STOX2: variants seen among roughly 807,000 people sequenced by gnomAD.
STOX2 encodes the protein storkhead box 2.
A neutral mutation model predicts 60.9 loss-of-function variants in STOX2; 28 were observed. That is an observed-to-expected ratio of 0.46 (90% CI 0.34 to 0.63). The LOEUF is 0.63. Among genes scored for constraint, STOX2 ranks in the 30% least tolerant of loss-of-function variants. The probability of loss-of-function intolerance (pLI) is 0.01; values close to 1 mark genes in which losing one functional copy is unlikely to be tolerated. For missense variants in STOX2, 1,024 were observed against 1,187.7 expected (o/e 0.86, Z 2.03); for synonymous variants, 472 against 463.9 (o/e 1.02, Z -0.22).
In STOX2 at chr4:183,839,049, GCA is replaced by G. The variant is rs369296969; in HGVS notation, c.364+41015_364+41016del. ...CACACACACACACACAGGTACACAT[GCA>G]CACACACACACACACACACAGAGAG... On this transcript the variant is annotated intron_variant, in intron 1 of 2. Transcript: ENST00000513034. Among the ~76,000 whole-genome samples, 1,379 of 148,222 alleles carry G rather than the reference GCA, an allele frequency of 9.3e-3. 29 individuals carry two copies. Among genetic ancestry groups the G allele is most frequent in the African/African-American group, 0.031 (1,249 of 40,774 alleles).
At chr4:183,927,652 C>G (rs147391028) in intron 1 of STOX2, among the ~76,000 whole-genome samples, 1 of 152,088 alleles carries the variant, frequency 6.6e-6, no homozygotes, top group African/African-American at 2.4e-5. Flanking sequence ...TATTACTGAG[C>G]TGGAAGGACC....
chr4:183,951,133 T>A (rs1246902838), intron 1 of STOX2, among the ~76,000 whole-genome samples: 2 of 146,956 alleles, frequency 1.4e-5, no homozygotes, highest in South Asian at 2.1e-4. Context: ...GGAGAATGGG[T>A]GAACCCGGGA....
intron 1 of STOX2, among the ~76,000 whole-genome samples, chr4:183,966,705 G>T (rs1353229649): frequency 6.6e-6 from 1 of 152,210 alleles, no homozygotes; most frequent in Admixed American, 6.5e-5. Context: ...TAGCATGAGT[G>T]CTTAAATGGT....
At chr4:183,958,059 TAGAATGGTATTTA>T in intron 1 of STOX2, among the ~76,000 whole-genome samples, 1 of 151,798 alleles carries the variant, frequency 6.6e-6, no homozygotes, top group African/African-American at 2.4e-5. Context: ...GGGGGGATGG[TAGAATGGTATTTA>T]CAACCCAAGA....
intron 1 of STOX2, among the ~76,000 whole-genome samples, chr4:183,931,946 G>A (rs1228958205): frequency 6.6e-6 from 1 of 152,146 alleles, no homozygotes; most frequent in African/African-American, 2.4e-5. Context: ...ATTGGAGCGG[G>A]CAAGAAGGGA....
chr4:183,824,389 T>G (rs1739374643), intron 1 of STOX2, among the ~76,000 whole-genome samples: 1 of 152,210 alleles, frequency 6.6e-6, no homozygotes, highest in Admixed American at 6.5e-5. Context: ...GGGCCTTGGG[T>G]AATTTCGTTA....
At chr4:183,840,765 C>G (rs1313196196) in intron 1 of STOX2, among the ~76,000 whole-genome samples, 1 of 152,170 alleles carries the variant, frequency 6.6e-6, no homozygotes, top group East Asian at 1.9e-4. Context: ...GAGACTTGGT[C>G]TTAATCTTTT....
rs761546073 is a variant in STOX2 at position 184,010,994 on chromosome 4, C to T, written c.2156C>T (p.Ser719Leu). The change falls in exon 3 of 4, where the codon TCG (serine) becomes TTG (leucine). Residue 719 changes from serine to leucine, a missense_variant. By Grantham distance (145) the Ser-to-Leu change is moderately radical. This residue lies in a region of STOX2 where 922 missense variants were observed against 1,058.3 expected (regional missense o/e 0.87). Coordinates refer to ENST00000308497, the MANE Select transcript of STOX2 (RefSeq NM_020225.3). This position sits in a 1 kb window ranked among gnomAD's most constrained non-coding sequence, Gnocchi z 4.5. The stretch of plus-strand genomic sequence containing the variant: ...TTGTCTGTAAACAGCTATCACAAGT[C>T]GAGCCTGTCCCTCCTCAAATCTCAC... ...STLSVNSYHK[S>L]SLSLLKSHPK... 1.1e-5 allele frequency: 17 copies of T among 1,612,950 alleles called. No individual in the cohort carries two copies. The highest frequency in any genetic ancestry group is 5.3e-5 in the African/African-American group (4 of 74,930).
intron 1 of STOX2, among the ~76,000 whole-genome samples, chr4:183,944,544 T>C (rs1243964340): frequency 6.6e-6 from 1 of 152,170 alleles, no homozygotes; most frequent in East Asian, 1.9e-4. Context: ...TGAAACCCCA[T>C]CTTTACTAAA....
At chr4:183,843,739 CTTCTTT>C (rs1441039553) in intron 1 of STOX2, among the ~76,000 whole-genome samples, 2 of 152,018 alleles carry the variant, frequency 1.3e-5, no homozygotes, top group African/African-American at 4.8e-5. Flanking sequence ...GGCTCTTTTT[CTTCTTT>C]GAGTTTTAGT....
At chr4:183,990,034 C>T (rs1222460607) in intron 1 of STOX2, among the ~76,000 whole-genome samples, 1 of 152,236 alleles carries the variant, frequency 6.6e-6, no homozygotes, top group Non-Finnish European at 1.5e-5. Flanking sequence ...CACCCTGTCA[C>T]AGAAGAAAAG....
chr4:183,994,684 T>G (rs1179409483), intron 1 of STOX2, among the ~76,000 whole-genome samples: 1 of 152,224 alleles, frequency 6.6e-6, no homozygotes, highest in African/African-American at 2.4e-5. Flanking sequence ...AGCGGATAAT[T>G]GTATTTTGTT....
intron 1 of STOX2, among the ~76,000 whole-genome samples, chr4:183,815,100 C>T (rs1579294764): frequency 1.3e-5 from 2 of 152,118 alleles, no homozygotes; most frequent in South Asian, 4.1e-4. Flanking sequence ...TCAGGTGATC[C>T]TCTGACCTCA....
intron 1 of STOX2, among the ~76,000 whole-genome samples, chr4:183,890,457 T>C (rs4990039): frequency 0.8 from 112,386 of 141,060 alleles, 44,898 homozygotes; most frequent in Middle Eastern, 0.86. Context: ...CACTCCAGCC[T>C]GGGCAACAGA....
chr4:183,997,078 A>C (rs1733374079), intron 1 of STOX2, among the ~76,000 whole-genome samples: 1 of 152,230 alleles, frequency 6.6e-6, no homozygotes, highest in African/African-American at 2.4e-5. Flanking sequence ...CATGGAGCTT[A>C]CATTCAAGTG....
intron 1 of STOX2, among the ~76,000 whole-genome samples, chr4:183,880,129 C>T (rs534139498): frequency 5.9e-5 from 9 of 152,240 alleles, no homozygotes; most frequent in South Asian, 2.1e-4. Flanking sequence ...CAGGCATGCA[C>T]CACCATGCCC....
intron 1 of STOX2, 111 bp downstream of exon 1, chr4:183,907,067 T>A: frequency 1.1e-6 from 1 of 952,340 alleles, no homozygotes; most frequent in Non-Finnish European, 1.5e-6. Flanking sequence ...TGCGATAAGT[T>A]ATGGGGAAAG....
intron 1 of STOX2, among the ~76,000 whole-genome samples, chr4:183,826,137 C>G (rs59159211): frequency 6.6e-6 from 1 of 152,118 alleles, no homozygotes; most frequent in Non-Finnish European, 1.5e-5. Context: ...ACCTGCATTT[C>G]GTTTTCATTT....
chr4:183,847,156 C>G (rs1279437329), intron 1 of STOX2, among the ~76,000 whole-genome samples: 1 of 152,196 alleles, frequency 6.6e-6, no homozygotes, highest in Non-Finnish European at 1.5e-5. Context: ...CTGCCTTAGC[C>G]TTCACTTCCT....
Sources: gnomAD v4.1 joint callset for allele counts (sites outside exome capture counted in the v4.1 genomes callset) on GRCh38, gnomAD v4.1.1 for gene constraint, gnomAD v4.1.1 regional missense constraint, Gnocchi (gnomAD v3.1) non-coding constraint, MANE v1.5 for transcripts, NCBI Gene and HGNC (gene_info 2026-07-23, HGNC 2026-07-21) for gene names.